Variants in UBE2H observed in about 807,000 individuals in gnomAD.
UBE2H encodes the protein ubiquitin-conjugating enzyme E2 H.
A neutral mutation model predicts 29.0 loss-of-function variants in UBE2H; 3 were observed. The ratio of observed to expected loss-of-function variants is 0.10; its 90% CI spans 0.05 to 0.27. The LOEUF (loss-of-function observed/expected upper bound fraction) is 0.27, where lower values mean the gene tolerates loss of function less well. Ranked by LOEUF, UBE2H falls within the 10% of genes least tolerant of loss-of-function variation. UBE2H has a pLI of 1.00. For missense variants in UBE2H, 68 were observed against 228.2 expected (o/e 0.30, Z 4.52); for synonymous variants, 69 against 82.9 (o/e 0.83, Z 0.91).
At chr7:129,923,381 C>A (rs539844747) in intron 1 of UBE2H, among the ~76,000 whole-genome samples, 1 of 152,230 alleles carries the variant, frequency 6.6e-6, no homozygotes, top group East Asian at 1.9e-4. Context: ...ATATTTTAAC[C>A]AATAAATATT....
At position 129,931,859 on chromosome 7, in the gene UBE2H, G is replaced by C. The variant is rs551250844; in HGVS notation, c.53+20644C>G. Among the ~76,000 whole-genome samples the C allele has an allele frequency of 9.4e-5, 13 of 138,172 alleles. 1 individual carries two copies. In the South Asian group the frequency reaches 3.0e-3, roughly 32 times the overall value. 90.6% of individuals were successfully genotyped at this position (138,172 alleles called of 152,430 possible). ...TGCTTTTTTTTTTTTTTTTTGAGAC[G>C]GAGTCCAGCTCTGTCACCCAGGCTG... On this transcript the variant is annotated intron_variant, in intron 1 of 6. Coordinates refer to ENST00000355621, the MANE Select transcript of UBE2H (RefSeq NM_003344.4).
intron 1 of UBE2H, among the ~76,000 whole-genome samples, chr7:129,882,018 C>T (rs1806266495): frequency 6.6e-6 from 1 of 152,198 alleles, no homozygotes; most frequent in Non-Finnish European, 1.5e-5. Context: ...ACTCCACCTT[C>T]TTCAGACTTG....
At chr7:129,836,176 A>G (rs1264929177) in intron 6 of UBE2H, among the ~76,000 whole-genome samples, 1 of 152,206 alleles carries the variant, frequency 6.6e-6, no homozygotes, top group African/African-American at 2.4e-5. Context: ...TAATTGAGAA[A>G]TATTTATTCA....
At chr7:129,917,083 T>C (rs1056547462) in intron 1 of UBE2H, among the ~76,000 whole-genome samples, 1 of 149,418 alleles carries the variant, frequency 6.7e-6, no homozygotes, top group Non-Finnish European at 1.5e-5. Flanking sequence ...CAGGTGCCTG[T>C]AGTCCCAGCT....
chr7:129,930,022 CA>C (rs765298992), intron 1 of UBE2H, among the ~76,000 whole-genome samples: 4 of 151,624 alleles, frequency 2.6e-5, no homozygotes, highest in Admixed American at 1.3e-4. Flanking sequence ...CAAAACAAAA[CA>C]AAAAAAACGG....
chr7:129,897,856 C>T (rs572889730), intron 1 of UBE2H, among the ~76,000 whole-genome samples: 1 of 152,100 alleles, frequency 6.6e-6, no homozygotes, highest in Non-Finnish European at 1.5e-5. Context: ...GATTGAAATT[C>T]TGCTTAAAAA....
chr7:129,944,208 T>C (rs1807706993), intron 1 of UBE2H, among the ~76,000 whole-genome samples: 1 of 151,812 alleles, frequency 6.6e-6, no homozygotes, highest in African/African-American at 2.4e-5. Context: ...TACAAAAAAT[T>C]AGCCAGGCTT....
At chr7:129,899,919 G>C (rs868576447) in intron 1 of UBE2H, among the ~76,000 whole-genome samples, 9 of 152,234 alleles carry the variant, frequency 5.9e-5, no homozygotes, top group Admixed American at 2.6e-4. Flanking sequence ...CTTGAGGTGA[G>C]GAGTACGAGA....
intron 5 of UBE2H, among the ~76,000 whole-genome samples, chr7:129,853,596 T>C (rs1343937019): frequency 6.6e-6 from 1 of 152,210 alleles, no homozygotes; most frequent in East Asian, 1.9e-4. Flanking sequence ...GGTTAAATAA[T>C]ACAAAATTAA....
At chr7:129,892,224 T>G (rs556245706) in intron 1 of UBE2H, among the ~76,000 whole-genome samples, 2 of 150,530 alleles carry the variant, frequency 1.3e-5, no homozygotes, top group African/African-American at 4.9e-5. Flanking sequence ...GCTGGGATTA[T>G]AGGCATGAGC....
Position 129,854,028 on chromosome 7 carries a change from G to A in UBE2H, c.298+3483C>T, listed in dbSNP as rs1480686423. ...TTCAGTTGAATATTTATGTTGACAC[G>A]CCAACTTTCTCCTATTAGTTATTTA... On this transcript the variant is annotated intron_variant, in intron 5 of 6. Transcript: ENST00000355621. 4.1e-5 allele frequency among the ~76,000 whole-genome samples: 6 copies of A among 144,682 alleles called. No homozygotes were observed. The South Asian group carries it at 6.5e-4, about 16-fold the overall frequency. 94.9% of individuals were successfully genotyped at this position (144,682 alleles called of 152,430 possible).
intron 1 of UBE2H, among the ~76,000 whole-genome samples, chr7:129,906,216 T>C (rs918335609): frequency 2.0e-5 from 3 of 151,702 alleles, no homozygotes; most frequent in Admixed American, 2.0e-4. Flanking sequence ...TTCTTTCTTT[T>C]TTTTTTTTTG....
chr7:129,864,445 C>T (rs1468377739), intron 3 of UBE2H, among the ~76,000 whole-genome samples: 1 of 151,930 alleles, frequency 6.6e-6, no homozygotes, highest in Non-Finnish European at 1.5e-5. Context: ...TTTAAGAGAA[C>T]ATATTTTGAA....
chr7:129,879,514 T>C, intron 3 of UBE2H, 54 bp downstream of exon 3: 2 of 1,516,476 alleles, frequency 1.3e-6, no homozygotes, highest in Non-Finnish European at 1.8e-6. Context: ...ATGTAAGATT[T>C]TTCCCCCTTA....
chr7:129,941,594 ATT>A (rs1351608823), intron 1 of UBE2H, among the ~76,000 whole-genome samples: 1 of 151,700 alleles, frequency 6.6e-6, no homozygotes, highest in South Asian at 2.1e-4. Flanking sequence ...AGTAATATTA[ATT>A]TTTTTTGAGA....
chr7:129,881,120 A>C, intron 1 of UBE2H, 149 bp from the exon 2 acceptor site: 1 of 591,658 alleles, frequency 1.7e-6, no homozygotes, highest in East Asian at 3.1e-5. Context: ...GTTTAGGAGG[A>C]GGCAATATAT....
At chr7:129,952,395 G>C in intron 1 of UBE2H, 108 bp downstream of exon 1, 1 of 1,401,850 alleles carries the variant, frequency 7.1e-7, no homozygotes, top group Non-Finnish European at 9.7e-7. Flanking sequence ...GGGAGTCTCG[G>C]ACAGTGGCCT....
intron 1 of UBE2H, among the ~76,000 whole-genome samples, chr7:129,952,096 C>A (rs918752540): frequency 6.6e-6 from 1 of 152,098 alleles, no homozygotes; most frequent in Admixed American, 6.5e-5. Flanking sequence ...CGGAGAAAGG[C>A]TTCCCTCTCG....
At chr7:129,853,757 G>C (rs1385249744) in intron 5 of UBE2H, among the ~76,000 whole-genome samples, 1 of 152,094 alleles carries the variant, frequency 6.6e-6, no homozygotes, top group Non-Finnish European at 1.5e-5. Context: ...GGGTGTGAGG[G>C]GACAGAGGAC....
Sources: gnomAD v4.1 joint callset for allele counts (sites outside exome capture counted in the v4.1 genomes callset) on GRCh38, gnomAD v4.1.1 for gene constraint, MANE v1.5 for transcripts, NCBI Gene and HGNC (gene_info 2026-07-23, HGNC 2026-07-21) for gene names.